The following MALT1 variants were observed in gnomAD, a reference collection of about 807,000 sequenced individuals.
MALT1 encodes MALT1 paracaspase.
Under a neutral mutation model 85.5 loss-of-function variants are expected in MALT1, and 36 were observed. The observed-to-expected ratio is 0.42, with a 90% confidence interval of 0.32 to 0.56. MALT1 has a LOEUF of 0.56. MALT1 is among the 20% of genes least tolerant of loss of function. The pLI, the probability that MALT1 is intolerant of heterozygous loss-of-function variation, is 0.10. For synonymous variants in MALT1, 359 were observed against 361.3 expected (o/e 0.99, Z 0.07); for missense variants, 716 against 981.6 (o/e 0.73, Z 3.62).
rs2055417118 is a variant in MALT1 at position 58,749,421 on chromosome 18, G to A, written c.*1579G>A. ...TTCAAACCCCATCCAGCTGGCCCCG[G>A]AGCCAGAGCTTCTTGTACTACACAG... On this transcript the variant is annotated 3_prime_UTR_variant, in exon 17 of 17. Transcript: ENST00000649217. 4.6e-6 allele frequency: 1 copy of A among 215,448 alleles called. No homozygotes were observed. The highest frequency in any genetic ancestry group is 1.9e-4 in the South Asian group (1 of 5,400). 13.3% of individuals were successfully genotyped at this position (215,448 alleles called of 1,614,324 possible). A position where few individuals can be genotyped will look rare whatever the true frequency, so the allele number is the denominator to read the frequency against.
At chr18:58,738,498 A>G (rs2144475771) in intron 13 of MALT1, among the ~76,000 whole-genome samples, 1 of 152,316 alleles carries the variant, frequency 6.6e-6, no homozygotes, top group African/African-American at 2.4e-5. Flanking sequence ...TCTTTGCAGT[A>G]TAATTCTACA....
chr18:58,674,337 G>T (rs1247536334), intron 1 of MALT1, among the ~76,000 whole-genome samples: 1 of 152,212 alleles, frequency 6.6e-6, no homozygotes, highest in Non-Finnish European at 1.5e-5. Flanking sequence ...GAGTCACACA[G>T]AGAGAAGGGG....
In MALT1 at chr18:58,687,641, A is replaced by G. The variant is rs568659292; in HGVS notation, c.376+6305A>G. Among the ~76,000 whole-genome samples, 6 of 152,350 alleles carry G rather than the reference A, an allele frequency of 3.9e-5. No homozygotes were observed. In the East Asian group the frequency reaches 1.2e-3, roughly 29 times the overall value. On this transcript the variant is annotated intron_variant, in intron 2 of 16. Transcript: ENST00000649217. ...CTTTTTTTGTTTCATGGCCTCTGAA[A>G]GTAGATGGACTTCAGTGTATGGAAT...
intron 2 of MALT1, among the ~76,000 whole-genome samples, chr18:58,692,407 CCTCT>C (rs35054606): frequency 0.34 from 43,963 of 130,084 alleles, 7,641 homozygotes; most frequent in African/African-American, 0.5. Flanking sequence ...ACTGGCCATT[CCTCT>C]CTCTCTCTCT....
At position 58,749,161 on chromosome 18, in the gene MALT1, T is replaced by C. The variant is rs1393798033; in HGVS notation, c.*1319T>C. On this transcript the variant is annotated 3_prime_UTR_variant, in exon 17 of 17. Transcript: ENST00000649217. ...CAGTTCTCATTATTCACAGTAATTA[T>C]GTTCTACAGAATATTCTCCCATAAA... The C allele has an allele frequency of 1.8e-5, 4 of 218,340 alleles. No homozygotes were observed. The highest frequency in any genetic ancestry group is 1.4e-4 in the East Asian group (2 of 14,586). The allele number at this position is 218,340 out of a possible 1,614,324, so 13.5% of individuals were successfully genotyped here. A position where few individuals can be genotyped will look rare whatever the true frequency, so the allele number is the denominator to read the frequency against.
chr18:58,725,148 A>G (rs1342050859), intron 10 of MALT1, among the ~76,000 whole-genome samples: 5 of 151,512 alleles, frequency 3.3e-5, no homozygotes, highest in Non-Finnish European at 1.5e-5. Context: ...AAAAAATAGA[A>G]TAAAATAAAA....
At chr18:58,705,954 G>A (rs1332763212) in intron 4 of MALT1, among the ~76,000 whole-genome samples, 2 of 152,050 alleles carry the variant, frequency 1.3e-5, no homozygotes, top group East Asian at 3.9e-4. Flanking sequence ...GTGTAAAAGT[G>A]TTCCTATTTC....
rs1276357873 is a variant in MALT1 at position 58,750,281 on chromosome 18, T to A, written c.*2439T>A. 2.5e-5 allele frequency: 4 copies of A among 162,272 alleles called. No individual in the cohort carries two copies. The highest frequency in any genetic ancestry group is 5.4e-5 in the Non-Finnish European group (4 of 73,916). 10.1% of individuals were successfully genotyped at this position (162,272 alleles called of 1,614,324 possible). On this transcript the variant is annotated 3_prime_UTR_variant, in exon 17 of 17. Coordinates refer to ENST00000649217, the MANE Select transcript of MALT1 (RefSeq NM_006785.4). ...TAAGATCCAGATAAATGGAAAGACATCCATGTTCATGGATTGGAAGACTGA... is the reference window on the plus strand; with the variant it reads ...TAAGATCCAGATAAATGGAAAGACAACCATGTTCATGGATTGGAAGACTGA...
intron 10 of MALT1, among the ~76,000 whole-genome samples, chr18:58,725,285 G>A (rs1450333170): frequency 6.6e-6 from 1 of 152,124 alleles, no homozygotes; most frequent in Non-Finnish European, 1.5e-5. Flanking sequence ...TCACACCACT[G>A]TACTGCAGCC....
chr18:58,747,764 T>A lies in MALT1; in HGVS notation c.2397T>A (p.Ser799Arg), dbSNP rs1182176933. Residue 799 changes from serine to arginine, a missense_variant, in exon 17 of 17, where the codon AGT becomes AGA. Physicochemically the swap from Ser to Arg is moderately radical, Grantham distance 110. Coordinates refer to ENST00000649217, the MANE Select transcript of MALT1 (RefSeq NM_006785.4). ...SFAHHASCHF[S>R]RSNVPVETTD... ...CTCACCATGCTTCATGTCATTTTAG[T>A]AGAAGTAATGTGCCAGTAGAGACAA... 1 of 1,614,094 alleles carries A rather than the reference T, an allele frequency of 6.2e-7. No individual in the cohort carries two copies. Among genetic ancestry groups the A allele is most frequent in the African/African-American group, 1.3e-5 (1 of 75,070 alleles).
At chr18:58,745,437 C>T (rs1356084444) in intron 15 of MALT1, among the ~76,000 whole-genome samples, 1 of 152,116 alleles carries the variant, frequency 6.6e-6, no homozygotes, top group Non-Finnish European at 1.5e-5. Flanking sequence ...GAAGCTCTTT[C>T]AGAGCTCACT....
intron 10 of MALT1, among the ~76,000 whole-genome samples, chr18:58,731,406 TTTTGG>T (rs1248856058): frequency 6.6e-6 from 1 of 152,244 alleles, no homozygotes; most frequent in Non-Finnish European, 1.5e-5. Context: ...AAATCCATTC[TTTTGG>T]TCATTATTTT....
rs150204302 is a variant in MALT1 at position 58,734,527 on chromosome 18, G to A, written c.1475+146G>A. The A allele has an allele frequency of 4.1e-3, 2,600 of 635,052 alleles. 10 individuals are homozygous for A. Among genetic ancestry groups the A allele is most frequent in the Non-Finnish European group, 6.1e-3 (2,141 of 350,556 alleles). 39.3% of individuals were successfully genotyped at this position (635,052 alleles called of 1,614,324 possible). ...TAGCTCACTGCTCCTGGGCTCAAGC[G>A]ATCCTCCTGCCTCAGCCTTCTGAGT... On this transcript the variant is annotated intron_variant, in intron 12 of 16. Transcript: ENST00000649217.
Position 58,735,336 on chromosome 18 carries a change from T to C in MALT1, c.1603+7T>C, listed in dbSNP as rs1568152143. ...CTGGATGAAGTTGCAGAAGGTAAAA[T>C]AAAAAATAAAGAGAAAAGTACTCAG... On this transcript the variant is annotated splice_region_variant and intron_variant, in intron 13 of 16. Coordinates refer to ENST00000649217, the MANE Select transcript of MALT1 (RefSeq NM_006785.4). 5.0e-6 allele frequency: 8 copies of C among 1,588,708 alleles called. No individual in the cohort carries two copies. The East Asian group carries it at 1.8e-4, about 36-fold the overall frequency.
rs753181874 is a variant in MALT1, at chr18:58,750,011, A to G, written c.*2169A>G. On this transcript the variant is annotated 3_prime_UTR_variant, in exon 17 of 17. Coordinates refer to ENST00000649217, the MANE Select transcript of MALT1 (RefSeq NM_006785.4). The stretch of plus-strand genomic sequence containing the variant: ...GGTTTGTTCAACATCTAAAAATCAA[A>G]TAAGCTAATAAAGAAAAGAGGTTTA... 19 of 200,050 alleles carry G rather than the reference A, an allele frequency of 9.5e-5. No individual in the cohort carries two copies. Among genetic ancestry groups the G allele is most frequent in the South Asian group, 3.8e-4 (2 of 5,248 alleles). The allele number at this position is 200,050 out of a possible 1,614,324, so 12.4% of individuals were successfully genotyped here.
rs1288901723 is a variant in MALT1 at position 58,747,732 on chromosome 18, A to G, written c.2365A>G (p.Ser789Gly). The change falls in exon 17 of 17, where the codon AGT becomes GGT. Residue 789 changes from serine to glycine, a missense_variant. Coordinates refer to ENST00000649217, the MANE Select transcript of MALT1 (RefSeq NM_006785.4). Reference protein sequence around the residue: ...CSRTPDAFISSFAHHASCHFS... With the variant: ...CSRTPDAFISGFAHHASCHFS... Reference sequence around the variant, plus strand: ...CCGGACTCCAGATGCATTTATTTCAAGTTTCGCTCACCATGCTTCATGTCA... The same window carrying G: ...CCGGACTCCAGATGCATTTATTTCAGGTTTCGCTCACCATGCTTCATGTCA... The G allele has an allele frequency of 6.2e-7, 1 of 1,614,164 alleles. No individual in the cohort carries two copies. The highest frequency in any genetic ancestry group is 1.1e-5 in the South Asian group (1 of 91,082).
Position 58,748,228 on chromosome 18 carries a change from T to C in MALT1, c.*386T>C. 1 of 250,088 alleles carries C rather than the reference T, an allele frequency of 4.0e-6. No homozygotes were observed. The highest frequency in any genetic ancestry group is 7.8e-6 in the Non-Finnish European group (1 of 128,576). The allele number at this position is 250,088 out of a possible 1,614,324, so 15.5% of individuals were successfully genotyped here. On this transcript the variant is annotated 3_prime_UTR_variant, in exon 17 of 17. Transcript: ENST00000649217. ...GATCACCAGGCATAACCTAATTTTA[T>C]CCATGGAAGAAACACAGAAAGGCAT...
rs1232800750 is a variant in MALT1, at chr18:58,752,041, T to C, written c.*4199T>C. The C allele has an allele frequency of 6.6e-6, 1 of 152,244 alleles. No homozygotes were observed. Among genetic ancestry groups the C allele is most frequent in the Non-Finnish European group, 1.5e-5 (1 of 68,030 alleles). 9.4% of individuals were successfully genotyped at this position (152,244 alleles called of 1,614,324 possible). A position where few individuals can be genotyped will look rare whatever the true frequency, so the allele number is the denominator to read the frequency against. ...TCTTTTCAAATCTCTGACTTGCACA[T>C]GAAGTAACAGTGAGGTGTCCTGTGC... On this transcript the variant is annotated 3_prime_UTR_variant, in exon 17 of 17. Coordinates refer to ENST00000649217, the MANE Select transcript of MALT1 (RefSeq NM_006785.4).
intron 4 of MALT1, 76 bp from the exon 5 acceptor site, chr18:58,709,302 G>C (rs2054799446): frequency 1.0e-6 from 1 of 959,458 alleles, no homozygotes; most frequent in African/African-American, 1.7e-5. Flanking sequence ...GGGGGAACTT[G>C]ACACATCTCT....
Sources: allele counts gnomAD v4.1 joint callset (sites outside exome capture counted in the v4.1 genomes callset), GRCh38; gene constraint gnomAD v4.1.1; transcripts MANE v1.5; gene names NCBI Gene and HGNC (gene_info 2026-07-23, HGNC 2026-07-21).